The following ELP1 variants were observed in gnomAD, a reference collection of about 807,000 sequenced individuals.
ELP1 encodes elongator complex protein 1.
Under a neutral mutation model 183.2 loss-of-function variants are expected in ELP1, and 131 were observed. The ratio of observed to expected loss-of-function variants is 0.72; its 90% CI spans 0.62 to 0.83. ELP1 has a LOEUF of 0.83. Ranked by LOEUF, ELP1 falls within the 40% of genes least tolerant of loss-of-function variation. The pLI is 0.00. For missense variants in ELP1, 1,550 were observed against 1,594.9 expected, an observed-to-expected ratio of 0.97 and a Z score of 0.48; for synonymous variants, 555 against 569.0, an observed-to-expected ratio of 0.98 and a Z score of 0.35.
At chr9:108,904,963 G>A (rs1334301072) in intron 14 of ELP1, among the ~76,000 whole-genome samples, 2 of 152,156 alleles carry the variant, frequency 1.3e-5, no homozygotes, top group African/African-American at 4.8e-5. Flanking sequence ...TGAGATGACT[G>A]CATCAAGCTT....
At chr9:108,885,920 A>G (rs1404244338) in intron 29 of ELP1, among the ~76,000 whole-genome samples, 1 of 152,236 alleles carries the variant, frequency 6.6e-6, no homozygotes, top group African/African-American at 2.4e-5. Context: ...AGTGAGTCAC[A>G]GTGGAAAAAA....
chr9:108,911,156 CG>C lies in ELP1; in HGVS notation c.1213del (p.Arg405GlyfsTer20). On this transcript the variant is annotated frameshift_variant, in exon 12 of 37. Coordinates refer to ENST00000374647, the MANE Select transcript of ELP1 (RefSeq NM_003640.5). LOFTEE classifies it high-confidence loss of function. ...CATGGGAGGCGGAACCACAGTCTGCCGGAAGACTGTCACCAACACCCTGTCT... is the reference window on the plus strand; with the variant it reads ...CATGGGAGGCGGAACCACAGTCTGCCGAAGACTGTCACCAACACCCTGTCT... ...DGNRVLVTVF[R>X]QTVVPPPMCT... The C allele has an allele frequency of 1.2e-6, 2 of 1,613,918 alleles. No homozygotes were observed. The highest frequency in any genetic ancestry group is 1.7e-6 in the Non-Finnish European group (2 of 1,179,992).
chr9:108,915,147 C>T (rs1274123750), intron 10 of ELP1, among the ~76,000 whole-genome samples: 4 of 152,148 alleles, frequency 2.6e-5, no homozygotes, highest in Admixed American at 6.5e-5. Context: ...CTTACTTTTA[C>T]GCTTAATCTA....
At chr9:108,916,083 C>T in intron 10 of ELP1, 121 bp downstream of exon 10, 3 of 808,976 alleles carry the variant, frequency 3.7e-6, no homozygotes, top group Non-Finnish European at 4.4e-6. Flanking sequence ...TTCCACCTAC[C>T]CACTTCAGCA....
chr9:108,874,490 A>C (rs1330791586), intron 36 of ELP1, among the ~76,000 whole-genome samples: 1 of 152,230 alleles, frequency 6.6e-6, no homozygotes, highest in East Asian at 1.9e-4. Flanking sequence ...GGTCCCACTC[A>C]TAAGCAAGGT....
Position 108,905,142 on chromosome 9 carries a change from G to A in ELP1, c.1643+1161C>T, listed in dbSNP as rs149369297. ...ACAAAAGGCTTTTTCAAAATATCACGAAAGACTATGAGTCAAAGAGTAGCA... is the reference window on the plus strand; with the variant it reads ...ACAAAAGGCTTTTTCAAAATATCACAAAAGACTATGAGTCAAAGAGTAGCA... On this transcript the variant is annotated intron_variant, in intron 14 of 36. Transcript: ENST00000374647. Among the ~76,000 whole-genome samples, 6 of 152,228 alleles carry A rather than the reference G, an allele frequency of 3.9e-5. No individual in the cohort carries two copies. In the East Asian group the frequency reaches 7.7e-4, roughly 20 times the overall value.
chr9:108,910,988 T>C (rs1829194787), intron 12 of ELP1, 22 bp downstream of exon 12: 8 of 1,611,708 alleles, frequency 5.0e-6, no homozygotes, highest in Non-Finnish European at 6.8e-6. Flanking sequence ...CAGAACATCT[T>C]GGCAAAAGTT....
chr9:108,933,673 G>T (rs1830075276), intron 1 of ELP1, among the ~76,000 whole-genome samples, 191 bp downstream of exon 1: 1 of 152,362 alleles, frequency 6.6e-6, no homozygotes, highest in African/African-American at 2.4e-5. Flanking sequence ...GGGCTGTCGC[G>T]CCTCCCAGCG....
chr9:108,902,480 C>T (rs971714976), intron 16 of ELP1, among the ~76,000 whole-genome samples: 1 of 152,230 alleles, frequency 6.6e-6, no homozygotes, highest in African/African-American at 2.4e-5. Context: ...CCATCCACCA[C>T]AATTATAGGC....
intron 9 of ELP1, 60 bp from the exon 10 acceptor site, chr9:108,916,357 A>G: frequency 1.6e-5 from 21 of 1,284,832 alleles, no homozygotes; most frequent in Non-Finnish European, 2.4e-5. Context: ...CCAAATCTTT[A>G]TAATAGCTGT....
At chr9:108,898,613 A>G in intron 21 of ELP1, 32 bp from the exon 22 acceptor site, 1 of 1,600,432 alleles carries the variant, frequency 6.2e-7, no homozygotes, top group Non-Finnish European at 8.6e-7. Flanking sequence ...ATCTTCGTTC[A>G]GATCATATTA....
At chr9:108,930,941 A>T in intron 2 of ELP1, 56 bp downstream of exon 2, 1 of 1,568,478 alleles carries the variant, frequency 6.4e-7, no homozygotes, top group South Asian at 1.1e-5. Flanking sequence ...AGAAATTTGG[A>T]AGAAGAGAAA....
chr9:108,872,287 G>A (rs1827485886), intron 36 of ELP1, among the ~76,000 whole-genome samples: 1 of 152,142 alleles, frequency 6.6e-6, no homozygotes, highest in Non-Finnish European at 1.5e-5. Flanking sequence ...AGCAACAGGA[G>A]GTAGCTACAA....
chr9:108,899,875 T>C lies in ELP1; in HGVS notation c.2151A>G (p.Glu717=), dbSNP rs1828701840. The part of the protein sequence containing the change: ...LVLQMPRGNL[E]VVHHRALVLA... ...AAACCAGGGCTCGATGATGAACAACTTCTAAGTTTCCCCTTGGCATCTTAA... is the reference window on the plus strand; with the variant it reads ...AAACCAGGGCTCGATGATGAACAACCTCTAAGTTTCCCCTTGGCATCTTAA... The change falls in exon 20 of 37, where the codon GAA becomes GAG. Residue 717 remains glutamate, a synonymous_variant. Transcript: ENST00000374647. The C allele has an allele frequency of 6.2e-7, 1 of 1,614,066 alleles. No homozygotes were observed. The highest frequency in any genetic ancestry group is 1.1e-5 in the South Asian group (1 of 91,084).
intron 36 of ELP1, among the ~76,000 whole-genome samples, chr9:108,873,167 A>T (rs1200902026): frequency 6.6e-6 from 1 of 152,224 alleles, no homozygotes; most frequent in African/African-American, 2.4e-5. Flanking sequence ...CCCAGCTGTG[A>T]TTCAAGTACT....
At chr9:108,886,155 G>A (rs1828113613) in intron 29 of ELP1, among the ~76,000 whole-genome samples, 1 of 152,186 alleles carries the variant, frequency 6.6e-6, no homozygotes, top group Non-Finnish European at 1.5e-5. Context: ...TCTGGTGTAG[G>A]GAGGGCAGCT....
At position 108,878,615 on chromosome 9, in the gene ELP1, G is replaced by A; in HGVS notation, c.3700+8C>T. The A allele has an allele frequency of 6.2e-7, 1 of 1,614,186 alleles. No homozygotes were observed. The highest frequency in any genetic ancestry group is 2.2e-5 in the East Asian group (1 of 44,888). ...GGTCAGGAATCATCATCAGGACTGA[G>A]AATATACCTTTCAGGTTTTCAGTGT... On this transcript the variant is annotated splice_region_variant and intron_variant, in intron 34 of 36. Transcript: ENST00000374647.
At chr9:108,930,913 GA>G in intron 2 of ELP1, 83 bp downstream of exon 2, 1 of 1,329,596 alleles carries the variant, frequency 7.5e-7, no homozygotes, top group Non-Finnish European at 1.1e-6. Context: ...AAGATATAAA[GA>G]AAGACCATGT....
chr9:108,926,157 G>A (rs1476956933), intron 5 of ELP1, among the ~76,000 whole-genome samples: 1 of 152,210 alleles, frequency 6.6e-6, no homozygotes, highest in Non-Finnish European at 1.5e-5. Context: ...TGGAAATGCA[G>A]ATTGGATCTA....
Sources: allele counts gnomAD v4.1 joint callset (sites outside exome capture counted in the v4.1 genomes callset), GRCh38; gene constraint gnomAD v4.1.1; transcripts MANE v1.5; gene names NCBI Gene and HGNC (gene_info 2026-07-23, HGNC 2026-07-21).